Variants in ARHGEF28 observed in about 807,000 individuals in gnomAD.
The protein encoded by ARHGEF28 is Rho guanine nucleotide exchange factor 28, also known as 190 kDa guanine nucleotide exchange factor.
In ARHGEF28, 152 loss-of-function variants were observed where a neutral mutation model predicts 206.6. The observed-to-expected ratio is 0.74, with a 90% CI of 0.64 to 0.84. The LOEUF (loss-of-function observed/expected upper bound fraction) is 0.84, where lower values mean the gene tolerates loss of function less well. Among genes scored for constraint, ARHGEF28 ranks in the 40% least tolerant of loss-of-function variants. The pLI, the probability that ARHGEF28 is intolerant of heterozygous loss-of-function variation, is 0.00. For missense variants in ARHGEF28, 2,028 were observed against 2,073.2 expected (o/e 0.98, Z 0.42); for synonymous variants, 763 against 776.4 (o/e 0.98, Z 0.29).
intron 2 of ARHGEF28, among the ~76,000 whole-genome samples, chr5:73,725,048 G>A (rs1236115013): frequency 6.6e-6 from 1 of 151,436 alleles, no homozygotes; most frequent in African/African-American, 2.4e-5. Flanking sequence ...ATATAGAAAA[G>A]TACCAAAAAG....
intron 2 of ARHGEF28, among the ~76,000 whole-genome samples, chr5:73,732,711 C>A (rs889847341): frequency 6.6e-6 from 1 of 152,196 alleles, no homozygotes; most frequent in Admixed American, 6.5e-5. Context: ...TTTATTGCTG[C>A]ATCCCTTGTT....
At chr5:73,692,727 A>G (rs1561337441) in intron 2 of ARHGEF28, among the ~76,000 whole-genome samples, 3 of 152,216 alleles carry the variant, frequency 2.0e-5, no homozygotes, top group Admixed American at 6.5e-5. Flanking sequence ...ACAGGGCCCA[A>G]GTTGTCTGGA....
intron 4 of ARHGEF28, among the ~76,000 whole-genome samples, chr5:73,758,995 A>G (rs1752461057): frequency 6.6e-6 from 1 of 152,218 alleles, no homozygotes; most frequent in Non-Finnish European, 1.5e-5. Flanking sequence ...AAGGTAACCC[A>G]ATTGAACTTT....
At chr5:73,819,763 T>A (rs1756455231) in intron 9 of ARHGEF28, among the ~76,000 whole-genome samples, 1 of 152,196 alleles carries the variant, frequency 6.6e-6, no homozygotes, top group South Asian at 2.1e-4. Context: ...ATGCCTTCCA[T>A]ACATCTCCCT....
chr5:73,830,857 G>A (rs1486273802), intron 9 of ARHGEF28, among the ~76,000 whole-genome samples: 1 of 151,910 alleles, frequency 6.6e-6, no homozygotes, highest in Non-Finnish European at 1.5e-5. Context: ...CAGGTTTTAT[G>A]TTATGACATA....
intron 35 of ARHGEF28, among the ~76,000 whole-genome samples, chr5:73,938,351 T>G (rs748971942): frequency 6.6e-6 from 1 of 152,226 alleles, no homozygotes; most frequent in Admixed American, 6.5e-5. Context: ...GGATTTTCCA[T>G]GTACCTCAAA....
At chr5:73,669,637 T>G (rs1746184627) in intron 1 of ARHGEF28, among the ~76,000 whole-genome samples, 1 of 152,222 alleles carries the variant, frequency 6.6e-6, no homozygotes, top group South Asian at 2.1e-4. Context: ...ACAACGAATA[T>G]AGACATTGAC....
In ARHGEF28 at chr5:73,667,767, G is replaced by A. The variant is rs563285833; in HGVS notation, c.-11-17074G>A. 5.1e-4 allele frequency among the ~76,000 whole-genome samples: 77 copies of A among 152,258 alleles called. 1 individual carries two copies. In the South Asian group the frequency reaches 0.015, roughly 30 times the overall value. Reference sequence around the variant, plus strand: ...TCTCATTTTATTATAAGTGGCCAAAGGAATATTATGCTGCTTGAATATTAT... The same window carrying A: ...TCTCATTTTATTATAAGTGGCCAAAAGAATATTATGCTGCTTGAATATTAT... On this transcript the variant is annotated intron_variant, in intron 1 of 35. Coordinates refer to ENST00000513042, the MANE Select transcript of ARHGEF28 (RefSeq NM_001177693.2).
At chr5:73,721,558 T>A (rs1391331822) in intron 2 of ARHGEF28, among the ~76,000 whole-genome samples, 4 of 152,158 alleles carry the variant, frequency 2.6e-5, no homozygotes, top group Admixed American at 2.6e-4. Context: ...AACCTGAAAT[T>A]GGCTTATTAG....
chr5:73,776,462 C>G (rs1753547215), intron 5 of ARHGEF28, 54 bp from the exon 6 acceptor site: 2 of 1,493,046 alleles, frequency 1.3e-6, no homozygotes, highest in Non-Finnish European at 1.8e-6. Context: ...GGGCTGGGAT[C>G]CTGGGGCTGG....
At chr5:73,786,076 A>AT (rs1380916285) in intron 7 of ARHGEF28, among the ~76,000 whole-genome samples, 47 of 148,438 alleles carry the variant, frequency 3.2e-4, no homozygotes, top group Non-Finnish European at 5.5e-4. Context: ...AAAAAAAAAA[A>AT]GGCAAAGAGA....
chr5:73,792,242 G>A (rs968666887), intron 7 of ARHGEF28, among the ~76,000 whole-genome samples: 10 of 152,086 alleles, frequency 6.6e-5, no homozygotes, highest in African/African-American at 2.4e-4. Flanking sequence ...TATAGTTTGT[G>A]GTACTTGTTC....
In ARHGEF28 at chr5:73,860,894, G is replaced by A. The variant is rs115676502; in HGVS notation, c.2047+2675G>A. Among the ~76,000 whole-genome samples the A allele has an allele frequency of 6.8e-3, 1,035 of 152,158 alleles. 13 individuals carry two copies. Among genetic ancestry groups the A allele is most frequent in the African/African-American group, 0.023 (971 of 41,502 alleles). On this transcript the variant is annotated intron_variant, in intron 16 of 35. Transcript: ENST00000513042. The stretch of plus-strand genomic sequence containing the variant: ...TACAGTCTGAGGCCCCACCAGTTCC[G>A]TTGCCCTTTCCTCCCACTGCGTGTG...
rs754703507 is a variant in ARHGEF28 at position 73,883,931 on chromosome 5, T to A, written c.3055+47T>A. 4.8e-6 allele frequency: 6 copies of A among 1,241,758 alleles called. No homozygotes were observed. The South Asian group carries it at 7.9e-5, about 16-fold the overall frequency. The allele number at this position is 1,241,758 out of a possible 1,614,324, so 76.9% of individuals were successfully genotyped here. A position where few individuals can be genotyped will look rare whatever the true frequency, so the allele number is the denominator to read the frequency against. On this transcript the variant is annotated intron_variant, in intron 24 of 35. Transcript: ENST00000513042. ...AAAAATTTGCCCCTCTTATTAGTTT[T>A]AAACACAGTTGAGGTGTTCTAAACA...
rs73763132 is a variant in ARHGEF28, at chr5:73,817,837, C to G, written c.1025-14501C>G. 8.1e-3 allele frequency among the ~76,000 whole-genome samples: 1,239 copies of G among 152,208 alleles called. 12 individuals carry two copies. The highest frequency in any genetic ancestry group is 0.025 in the African/African-American group (1,042 of 41,536). ...AGGGATGGTAAACTTCAATGGGTAGCTACCTTGGGTTCAAAAGGTGCCATT... is the reference window on the plus strand; with the variant it reads ...AGGGATGGTAAACTTCAATGGGTAGGTACCTTGGGTTCAAAAGGTGCCATT... On this transcript the variant is annotated intron_variant, in intron 9 of 35. Coordinates refer to ENST00000513042, the MANE Select transcript of ARHGEF28 (RefSeq NM_001177693.2).
In ARHGEF28 at chr5:73,752,926, A is replaced by T. The variant is rs376225594; in HGVS notation, c.199A>T (p.Thr67Ser). The T allele has an allele frequency of 4.3e-5, 69 of 1,613,696 alleles. No homozygotes were observed. Among genetic ancestry groups the T allele is most frequent in the Non-Finnish European group, 5.5e-5 (65 of 1,179,860 alleles). ...SSVPGHGLQE[T>S]VTVSVCLCSE... ...TTGTCCAGGCCATGGGCTTCAGGAG[A>T]CGGTGACGGTATCTGTGTGCCTCTG... The change falls in exon 4 of 36, where the codon ACG becomes TCG. Residue 67 changes from threonine to serine, a missense_variant. This residue lies in a region of ARHGEF28 where 1,002 missense variants were observed against 1,015.3 expected (regional missense o/e 0.99). Transcript: ENST00000513042.
At chr5:73,923,778 G>T (rs1044965273) in intron 35 of ARHGEF28, among the ~76,000 whole-genome samples, 1 of 152,274 alleles carries the variant, frequency 6.6e-6, no homozygotes, top group South Asian at 2.1e-4. Context: ...GGCTAACTTT[G>T]AGGATGTATG....
intron 4 of ARHGEF28, among the ~76,000 whole-genome samples, chr5:73,764,141 G>C (rs773327947): frequency 1.3e-5 from 2 of 152,156 alleles, no homozygotes; most frequent in Admixed American, 1.3e-4. Flanking sequence ...TATCATGTCC[G>C]TTTTACAGAT....
rs115412831 is a variant in ARHGEF28, at chr5:73,668,394, C to G, written c.-11-16447C>G. On this transcript the variant is annotated intron_variant, in intron 1 of 35. Transcript: ENST00000513042. ...ATCTGCTGAGGGCCTTTGTGCCACA[C>G]TATCCCATGGTGGAAGTTGGAATGG... Among the ~76,000 whole-genome samples the G allele has an allele frequency of 1.0e-2, 1,522 of 152,298 alleles. 26 individuals are homozygous for G. Among genetic ancestry groups the G allele is most frequent in the African/African-American group, 0.034 (1,428 of 41,562 alleles).
Sources: allele counts gnomAD v4.1 joint callset (sites outside exome capture counted in the v4.1 genomes callset), GRCh38; gene constraint gnomAD v4.1.1; regional missense constraint gnomAD v4.1.1; transcripts MANE v1.5; gene names NCBI Gene and HGNC (gene_info 2026-07-23, HGNC 2026-07-21).